Variants in MAGI2 observed in about 807,000 individuals in gnomAD.
MAGI2 encodes the protein membrane-associated guanylate kinase, WW and PDZ domain-containing protein 2.
Under a neutral mutation model 133.3 loss-of-function variants are expected in MAGI2, and 35 were observed. The ratio of observed to expected loss-of-function variants is 0.26; its 90% CI spans 0.20 to 0.35. The LOEUF (loss-of-function observed/expected upper bound fraction) is 0.35. Ranked by LOEUF, MAGI2 falls within the 10% of genes least tolerant of loss-of-function variation. MAGI2 has a pLI of 1.00. For synonymous variants in MAGI2, 729 were observed against 710.6 expected, an observed-to-expected ratio of 1.03 and a Z score of -0.41; for missense variants, 1,636 against 1,863.4, an observed-to-expected ratio of 0.88 and a Z score of 2.25.
At chr7:79,017,015 C>T (rs1161435138) in intron 1 of MAGI2, among the ~76,000 whole-genome samples, 2 of 152,278 alleles carry the variant, frequency 1.3e-5, no homozygotes, top group Admixed American at 6.5e-5. Context: ...CCTGCCAACA[C>T]TGCTGTTGCA....
In MAGI2 at chr7:78,167,963, C is replaced by A. The variant is rs752723914; in HGVS notation, c.2549G>T (p.Arg850Leu). 1.2e-6 allele frequency: 2 copies of A among 1,614,078 alleles called. No individual in the cohort carries two copies. Among genetic ancestry groups the A allele is most frequent in the Non-Finnish European group, 1.7e-6 (2 of 1,180,012 alleles). The change falls in exon 15 of 22, where the codon CGC becomes CTC. Residue 850 changes from arginine to leucine, a missense_variant. Arg to Leu is a moderately radical substitution (Grantham distance 102, BLOSUM62 -2). This residue lies in a region of MAGI2 where 920 missense variants were observed against 1,093.5 expected (regional missense o/e 0.84). Transcript: ENST00000354212. ...YVIDLMHHAARNGQVNLTVRR... is the reference protein window; with the variant it reads ...YVIDLMHHAALNGQVNLTVRR... ...CACAGTGAGGTTGACCTGCCCATTG[C>A]GGGCTGCGTGGTGCATGAGGTCGAT...
chr7:79,061,410 G>C (rs892561193), intron 1 of MAGI2, among the ~76,000 whole-genome samples: 3 of 151,858 alleles, frequency 2.0e-5, no homozygotes, highest in Non-Finnish European at 4.4e-5. Flanking sequence ...ACACAAGTTA[G>C]GGAGAAGTGC....
intron 20 of MAGI2, among the ~76,000 whole-genome samples, chr7:78,096,117 A>G (rs1033988116): frequency 5.3e-5 from 8 of 152,172 alleles, no homozygotes; most frequent in South Asian, 2.1e-4. Context: ...GTATGTTTTG[A>G]TCTTTTAGTT....
chr7:79,057,683 G>C (rs983420030), intron 1 of MAGI2, among the ~76,000 whole-genome samples: 11 of 152,168 alleles, frequency 7.2e-5, no homozygotes, highest in South Asian at 2.1e-4. Flanking sequence ...GCATAAGTTT[G>C]TATTAATGCT....
chr7:79,286,308 C>T (rs965946995), intron 1 of MAGI2, among the ~76,000 whole-genome samples: 1 of 152,028 alleles, frequency 6.6e-6, no homozygotes, highest in East Asian at 1.9e-4. Flanking sequence ...CACAACCAAA[C>T]ATCACTGAGT....
intron 9 of MAGI2, chr7:78,285,806 G>C (rs762317669): frequency 6.6e-6 from 1 of 152,070 alleles, no homozygotes; most frequent in African/African-American, 2.4e-5. Flanking sequence ...CAATGCTGCC[G>C]GTTCATGGAT....
chr7:78,499,709 T>C (rs1326020169), intron 5 of MAGI2, among the ~76,000 whole-genome samples: 1 of 152,250 alleles, frequency 6.6e-6, no homozygotes. Flanking sequence ...TTTAATCAAC[T>C]TGTCATGCTG....
At chr7:79,255,522 C>A (rs1833620421) in intron 1 of MAGI2, among the ~76,000 whole-genome samples, 1 of 152,030 alleles carries the variant, frequency 6.6e-6, no homozygotes. Context: ...TGGAATCACA[C>A]AATGATTTAG....
intron 2 of MAGI2, among the ~76,000 whole-genome samples, chr7:78,932,940 C>G (rs960325624): frequency 6.6e-6 from 1 of 152,086 alleles, no homozygotes; most frequent in Non-Finnish European, 1.5e-5. Flanking sequence ...GACTGAATAA[C>G]TGTGCTGGGA....
At chr7:79,416,450 A>T (rs986099869) in intron 1 of MAGI2, among the ~76,000 whole-genome samples, 6 of 152,070 alleles carry the variant, frequency 3.9e-5, no homozygotes, top group African/African-American at 1.4e-4. Context: ...GGAAATTTGA[A>T]TATGGACCAA....
chr7:79,236,407 G>T (rs1255143172), intron 1 of MAGI2, among the ~76,000 whole-genome samples: 1 of 152,238 alleles, frequency 6.6e-6, no homozygotes, highest in Non-Finnish European at 1.5e-5. Flanking sequence ...TAGCATGAGG[G>T]ATTGGAACTG....
intron 2 of MAGI2, among the ~76,000 whole-genome samples, chr7:78,911,518 C>T (rs1798396054): frequency 6.6e-6 from 1 of 152,078 alleles, no homozygotes; most frequent in Admixed American, 6.5e-5. Context: ...TGGAAATTGT[C>T]CCTCACCAGA....
At chr7:78,429,707 C>A (rs4727698) in intron 6 of MAGI2, among the ~76,000 whole-genome samples, 8 of 151,742 alleles carry the variant, frequency 5.3e-5, no homozygotes, top group Admixed American at 5.3e-4. Flanking sequence ...GTGACTATAC[C>A]TAATAATACT....
At chr7:78,506,910 T>TAGG in intron 4 of MAGI2, among the ~76,000 whole-genome samples, 1 of 152,366 alleles carries the variant, frequency 6.6e-6, no homozygotes, top group East Asian at 1.9e-4. Context: ...AAGAGAAATG[T>TAGG]AGGACATCTC....
intron 2 of MAGI2, among the ~76,000 whole-genome samples, chr7:78,678,534 G>A (rs1815295940): frequency 6.6e-6 from 1 of 152,082 alleles, no homozygotes; most frequent in African/African-American, 2.4e-5. Flanking sequence ...CCTTCCTTCT[G>A]TAATGGTTTG....
chr7:79,169,178 T>C, intron 1 of MAGI2, among the ~76,000 whole-genome samples: 1 of 152,008 alleles, frequency 6.6e-6, no homozygotes, highest in East Asian at 1.9e-4. Flanking sequence ...TTGCTTTTGC[T>C]CCTCCATAAA....
Position 79,453,396 on chromosome 7 carries a change from G to A in MAGI2, c.-76C>T, listed in dbSNP as rs1399360098. The A allele has an allele frequency of 8.4e-5, 127 of 1,518,682 alleles. No homozygotes were observed. Among genetic ancestry groups the A allele is most frequent in the Non-Finnish European group, 9.2e-5 (105 of 1,138,256 alleles). 94.1% of individuals were successfully genotyped at this position (1,518,682 alleles called of 1,614,324 possible). The stretch of plus-strand genomic sequence containing the variant: ...CTGGTGGTGAGAGAATGAGGATGGA[G>A]GAGCAAGGGGGCCCAGGGGGAAGAA... On this transcript the variant is annotated 5_prime_UTR_variant, in exon 1 of 22. Coordinates refer to ENST00000354212, the MANE Select transcript of MAGI2 (RefSeq NM_012301.4).
intron 2 of MAGI2, among the ~76,000 whole-genome samples, chr7:78,988,205 C>T (rs970318123): frequency 4.6e-5 from 7 of 151,954 alleles, no homozygotes; most frequent in African/African-American, 1.7e-4. Flanking sequence ...CATCCATGTC[C>T]AGAACTAGTC....
chr7:78,125,896 T>G, intron 19 of MAGI2, 59 bp from the exon 20 acceptor site: 1 of 1,527,552 alleles, frequency 6.5e-7, no homozygotes, highest in Middle Eastern at 1.7e-4. Context: ...GAAGCTTCTG[T>G]GGCTAGTCTC....
Sources: gnomAD v4.1 joint callset for allele counts (sites outside exome capture counted in the v4.1 genomes callset) on GRCh38, gnomAD v4.1.1 for gene constraint, gnomAD v4.1.1 regional missense constraint, MANE v1.5 for transcripts, NCBI Gene and HGNC (gene_info 2026-07-23, HGNC 2026-07-21) for gene names.